TBC1D19: variants seen among roughly 807,000 people sequenced by gnomAD.
The protein encoded by TBC1D19 is TBC1 domain family, member 19.
In TBC1D19, 60 loss-of-function variants were observed where a neutral mutation model predicts 89.0. The observed-to-expected ratio is 0.67, with a 90% CI of 0.55 to 0.84. The LOEUF is 0.84. TBC1D19 is among the 40% of genes least tolerant of loss of function. The pLI, the probability that TBC1D19 is intolerant of heterozygous loss-of-function variation, is 0.00. For missense variants in TBC1D19, 500 were observed against 610.8 expected (o/e 0.82, Z 1.91); for synonymous variants, 189 against 199.7 (o/e 0.95, Z 0.45).
At position 26,656,563 on chromosome 4, in the gene TBC1D19, C is replaced by CT. The variant is rs771229390; in HGVS notation, c.481-3021dup. Among the ~76,000 whole-genome samples, 919 of 143,080 alleles carry CT rather than the reference C, an allele frequency of 6.4e-3. 7 individuals are homozygous for CT. The highest frequency in any genetic ancestry group is 0.017 in the African/African-American group (653 of 39,270). 93.9% of individuals were successfully genotyped at this position (143,080 alleles called of 152,430 possible). On this transcript the variant is annotated intron_variant, in intron 7 of 20. Transcript: ENST00000264866. ...CAGTATCTAAGTTGGCTTTTATCTG[C>CT]TTTTTTTTTTTTTGAGATGGAGTGT... is the stretch of plus-strand genomic sequence containing the variant.
downstream of TBC1D19, among the ~76,000 whole-genome samples, chr4:26,759,363 G>A (rs768562616): frequency 1.5e-4 from 23 of 152,188 alleles, no homozygotes; most frequent in Non-Finnish European, 2.6e-4. Context: ...GTTGCCTTTG[G>A]AAGTCCAAAA....
At chr4:26,782,262 T>C in the TBC1D19 span, among the ~76,000 whole-genome samples, 1 of 152,196 alleles carries the variant, frequency 6.6e-6, no homozygotes, top group African/African-American at 2.4e-5. Context: ...TAATGAGGCT[T>C]TCTAGAAAGA....
intron 13 of TBC1D19, among the ~76,000 whole-genome samples, chr4:26,697,080 G>T (rs1714855050): frequency 2.0e-5 from 3 of 151,954 alleles, no homozygotes. Flanking sequence ...CTGGTTTTTT[G>T]AAAAGATCAA....
At chr4:26,602,536 G>T (rs2111006) in intron 1 of TBC1D19, among the ~76,000 whole-genome samples, 68,423 of 149,606 alleles carry the variant, frequency 0.46, 17,320 homozygotes, top group Admixed American at 0.61. Context: ...CCGCCTCCGG[G>T]TTCATGCCAG....
chr4:26,679,122 A>C (rs1713104030), intron 11 of TBC1D19, among the ~76,000 whole-genome samples: 2 of 152,226 alleles, frequency 1.3e-5, no homozygotes, highest in Admixed American at 6.5e-5. Context: ...ATGAGGAGCC[A>C]AATGCTAATT....
chr4:26,807,208 A>G, the TBC1D19 span, among the ~76,000 whole-genome samples: 1 of 152,170 alleles, frequency 6.6e-6, no homozygotes, highest in East Asian at 1.9e-4. Flanking sequence ...AGAGTCCCCC[A>G]TCCTCAACTT....
At chr4:26,717,730 T>C (rs1716719860) in intron 13 of TBC1D19, among the ~76,000 whole-genome samples, 1 of 152,046 alleles carries the variant, frequency 6.6e-6, no homozygotes, top group Non-Finnish European at 1.5e-5. Flanking sequence ...CTCTTCAAAG[T>C]TGAGGTAGCA....
At chr4:26,716,406 G>T (rs1041992900) in intron 13 of TBC1D19, among the ~76,000 whole-genome samples, 1 of 152,062 alleles carries the variant, frequency 6.6e-6, no homozygotes, top group South Asian at 2.1e-4. Flanking sequence ...TGTGGGAGAG[G>T]CATCGTTCAA....
chr4:26,720,071 T>C lies in TBC1D19; in HGVS notation c.1040-10T>C, dbSNP rs1310893344. On this transcript the variant is annotated splice_polypyrimidine_tract_variant and intron_variant, in intron 14 of 20. Coordinates refer to ENST00000264866, the MANE Select transcript of TBC1D19 (RefSeq NM_018317.4). ...ATCATATTGAAATCCTCTATGGTTT[T>C]CTCTTATAGGAAAACTAGGACTGGA... The C allele has an allele frequency of 6.3e-7, 1 of 1,594,196 alleles. No homozygotes were observed. Among genetic ancestry groups the C allele is most frequent in the African/African-American group, 1.3e-5 (1 of 74,186 alleles).
intron 7 of TBC1D19, among the ~76,000 whole-genome samples, chr4:26,659,118 T>C (rs564946781): frequency 1.5e-4 from 23 of 152,336 alleles, no homozygotes; most frequent in Non-Finnish European, 2.8e-4. Context: ...TCCAATATTA[T>C]GTTGAATAGG....
At chr4:26,843,675 C>G in the TBC1D19 span, among the ~76,000 whole-genome samples, 73 of 152,082 alleles carry the variant, frequency 4.8e-4, no homozygotes, top group African/African-American at 1.7e-3. Context: ...CCTCAACTAC[C>G]TTTGTGTCAA....
At chr4:26,846,190 A>G in the TBC1D19 span, among the ~76,000 whole-genome samples, 1 of 152,110 alleles carries the variant, frequency 6.6e-6, no homozygotes, top group Non-Finnish European at 1.5e-5. Context: ...AGTGGTTTCT[A>G]CCTTTTGGCT....
At position 26,659,609 on chromosome 4, in the gene TBC1D19, C is replaced by A; in HGVS notation, c.493C>A (p.Leu165Ile). 1 of 1,584,782 alleles carries A rather than the reference C, an allele frequency of 6.3e-7. No homozygotes were observed. Among genetic ancestry groups the A allele is most frequent in the Non-Finnish European group, 8.6e-7 (1 of 1,159,508 alleles). ...PKDFLEVLIN[L>I]RNPNYENGDS... ...TTTGTTTTTAAAGGTATTAATTAATCTTCGCAACCCAAATTATGAAAACGG... is the reference window on the plus strand; with the variant it reads ...TTTGTTTTTAAAGGTATTAATTAATATTCGCAACCCAAATTATGAAAACGG... The change falls in exon 8 of 21, where the codon CTT (leucine) becomes ATT (isoleucine). Residue 165 changes from leucine (L) to isoleucine (I), a missense_variant. Transcript: ENST00000264866.
At chr4:26,651,522 T>C (rs1744381152) in intron 7 of TBC1D19, among the ~76,000 whole-genome samples, 1 of 152,158 alleles carries the variant, frequency 6.6e-6, no homozygotes, top group Non-Finnish European at 1.5e-5. Context: ...TTATCTGTTA[T>C]TGGTGTATAA....
At chr4:26,737,579 G>A (rs796596992) in intron 16 of TBC1D19, among the ~76,000 whole-genome samples, 9 of 152,208 alleles carry the variant, frequency 5.9e-5, no homozygotes, top group African/African-American at 2.2e-4. Flanking sequence ...ATAGGCTACA[G>A]TTTATACACC....
At position 26,629,026 on chromosome 4, in the gene TBC1D19, C is replaced by G. The variant is rs140047346; in HGVS notation, c.295-8185C>G. ...TGATCTTGACCTCTTTAGTTCCAGT[C>G]TCATCTCTTGCCTTCTCACACCGTT... is the stretch of plus-strand genomic sequence containing the variant. On this transcript the variant is annotated intron_variant, in intron 4 of 20. Coordinates refer to ENST00000264866, the MANE Select transcript of TBC1D19 (RefSeq NM_018317.4). Among the ~76,000 whole-genome samples, 6 of 152,110 alleles carry G rather than the reference C, an allele frequency of 3.9e-5. No individual in the cohort carries two copies. The East Asian group carries it at 1.2e-3, about 29-fold the overall frequency.
At chr4:26,774,354 A>G in the TBC1D19 span, among the ~76,000 whole-genome samples, 2 of 152,238 alleles carry the variant, frequency 1.3e-5, no homozygotes, top group African/African-American at 4.8e-5. Flanking sequence ...ACACGTGATT[A>G]TAGAAGCAGT....
intron 6 of TBC1D19, among the ~76,000 whole-genome samples, chr4:26,639,304 C>T (rs1743334860): frequency 6.6e-6 from 1 of 152,100 alleles, no homozygotes; most frequent in Admixed American, 6.5e-5. Context: ...CTCCCATCCT[C>T]CCACCAGAGC....
At chr4:26,790,980 G>A in the TBC1D19 span, among the ~76,000 whole-genome samples, 3 of 152,168 alleles carry the variant, frequency 2.0e-5, no homozygotes, top group Non-Finnish European at 4.4e-5. Flanking sequence ...TGTTCCAAAT[G>A]TCGGGTGTCC....
Sources: allele counts gnomAD v4.1 joint callset (sites outside exome capture counted in the v4.1 genomes callset), GRCh38; gene constraint gnomAD v4.1.1; transcripts MANE v1.5; gene names NCBI Gene and HGNC (gene_info 2026-07-23, HGNC 2026-07-21).